PAX2: variants seen among roughly 807,000 people sequenced by gnomAD.
PAX2 encodes paired box 2, also known as paired box protein Pax-2.
PAX2 carries 9 observed loss-of-function variants against 41.7 expected under a neutral mutation model. That is an observed-to-expected ratio of 0.22 (90% confidence interval 0.13 to 0.38). The LOEUF (loss-of-function observed/expected upper bound fraction) is 0.38. PAX2 is among the 10% of genes least tolerant of loss of function. The probability of loss-of-function intolerance (pLI) is 1.00; values close to 1 mark genes in which losing one functional copy is unlikely to be tolerated. For synonymous variants in PAX2, 221 were observed against 212.7 expected (o/e 1.04, Z -0.34); for missense variants, 418 against 531.6 (o/e 0.79, Z 2.10).
At chr10:100,769,546 G>A (rs1846135721) in intron 3 of PAX2, among the ~76,000 whole-genome samples, 1 of 151,570 alleles carries the variant, frequency 6.6e-6, no homozygotes, top group African/African-American at 2.4e-5. Flanking sequence ...CAGTGAACCT[G>A]GGAGGCAGAG....
upstream of PAX2, among the ~76,000 whole-genome samples, chr10:100,744,811 C>T (rs995257540): frequency 1.3e-5 from 2 of 152,200 alleles, no homozygotes; most frequent in Non-Finnish European, 2.9e-5. Context: ...GTCTTCAGCT[C>T]GATTCTGAAC....
chr10:100,755,470 T>C (rs888228427), intron 3 of PAX2, among the ~76,000 whole-genome samples: 1 of 152,214 alleles, frequency 6.6e-6, no homozygotes, highest in Non-Finnish European at 1.5e-5. Flanking sequence ...AAATAAATAG[T>C]GTCCCAACTG....
Position 100,824,722 on chromosome 10 carries a change from A to T in PAX2, c.994A>T (p.Thr332Ser). 1.2e-6 allele frequency: 2 copies of T among 1,603,776 alleles called. No individual in the cohort carries two copies. Among genetic ancestry groups the T allele is most frequent in the Non-Finnish European group, 1.7e-6 (2 of 1,171,812 alleles). Residue 332 changes from threonine (T) to serine (S), a missense_variant, in exon 8 of 10, where the codon ACC becomes TCC. Transcript: ENST00000355243. This position sits in a 1 kb window ranked among gnomAD's most constrained non-coding sequence, Gnocchi z 6.6. ...VPPTGQGSYPTSTLAGMVPGS... is the reference protein window; with the variant it reads ...VPPTGQGSYPSSTLAGMVPGS... The stretch of plus-strand genomic sequence containing the variant: ...CCCCACTGGCCAGGGAAGCTACCCC[A>T]CCTCCACCCTGGCAGGAATGGTGCC...
rs536411475 is a variant in PAX2, at chr10:100,737,464, C to CCT, written c.25+1731_25+1732insCT. 3.4e-4 allele frequency among the ~76,000 whole-genome samples: 52 copies of CCT among 152,392 alleles called. No homozygotes were observed. In the South Asian group the frequency reaches 0.01, roughly 30 times the overall value. On this transcript the variant is annotated intron_variant, in intron 1 of 9. Coordinates refer to the PAX2 transcript ENST00000679374. Reference sequence around the variant, plus strand: ...GCCAGCGGCCCGACTCCGCACCGCACTTCCTTTCCCTTCCCTCTTTTCCCG... The same window carrying CCT: ...GCCAGCGGCCCGACTCCGCACCGCACCTTTCCTTTCCCTTCCCTCTTTTCCCG...
intron 1 of PAX2, chr10:100,749,459 C>T (rs1845349447): frequency 2.4e-6 from 3 of 1,271,606 alleles, no homozygotes; most frequent in African/African-American, 1.5e-5. Context: ...CCCCTCTCCC[C>T]TCTTTTCTGT....
intron 3 of PAX2, among the ~76,000 whole-genome samples, chr10:100,760,940 A>C (rs1448982851): frequency 6.6e-6 from 1 of 152,146 alleles, no homozygotes; most frequent in Non-Finnish European, 1.5e-5. Context: ...GCCGACTGTG[A>C]CTGTCTGGAG....
chr10:100,821,158 A>T (rs1167483258), intron 7 of PAX2, among the ~76,000 whole-genome samples: 1 of 152,238 alleles, frequency 6.6e-6, no homozygotes, highest in East Asian at 1.9e-4. Flanking sequence ...CAGTCTTAGT[A>T]ATTTGAAAAC....
At chr10:100,808,995 A>G (rs1219592346) in intron 6 of PAX2, 115 bp from the exon 7 acceptor site, 13 of 962,488 alleles carry the variant, frequency 1.4e-5, no homozygotes, top group Admixed American at 1.7e-5. Flanking sequence ...CTGCCCCACC[A>G]TCTCTTTCTA....
At chr10:100,823,340 G>A (rs1274047628) in intron 7 of PAX2, among the ~76,000 whole-genome samples, 1 of 152,210 alleles carries the variant, frequency 6.6e-6, no homozygotes, top group Non-Finnish European at 1.5e-5. Context: ...CTGTAGCTCT[G>A]TATAGCTAGG....
intron 6 of PAX2, among the ~76,000 whole-genome samples, chr10:100,808,296 A>T (rs1380965634): frequency 1.3e-5 from 2 of 152,064 alleles, no homozygotes; most frequent in East Asian, 3.9e-4. Flanking sequence ...ATTGGAAATG[A>T]CGAGGCAATC....
At chr10:100,789,925 C>T (rs1036174385) in intron 5 of PAX2, among the ~76,000 whole-genome samples, 5 of 152,096 alleles carry the variant, frequency 3.3e-5, no homozygotes, top group Non-Finnish European at 5.9e-5. Context: ...TTAGAAGGAC[C>T]TTTATCTTGG....
intron 7 of PAX2, among the ~76,000 whole-genome samples, chr10:100,817,541 G>T (rs945565459): frequency 3.9e-5 from 6 of 152,232 alleles, no homozygotes; most frequent in African/African-American, 1.2e-4. Context: ...CCGGTTGGCT[G>T]TCAAGGTGTA....
intron 3 of PAX2, among the ~76,000 whole-genome samples, chr10:100,768,963 G>A (rs1846115091): frequency 6.6e-6 from 1 of 152,320 alleles, no homozygotes; most frequent in South Asian, 2.1e-4. Flanking sequence ...CTTTCATACA[G>A]TGAATATGAA....
intron 3 of PAX2, among the ~76,000 whole-genome samples, chr10:100,762,443 T>C (rs1845872761): frequency 6.6e-6 from 1 of 152,142 alleles, no homozygotes; most frequent in Non-Finnish European, 1.5e-5. Context: ...CTCATAAGAA[T>C]AAACAAATGT....
Position 100,748,518 on chromosome 10 carries a change from G to A in PAX2, c.44-1228G>A. The A allele has an allele frequency of 1.0e-6, 1 of 985,382 alleles. No individual in the cohort carries two copies. The highest frequency in any genetic ancestry group is 1.2e-6 in the Non-Finnish European group (1 of 829,906). The allele number at this position is 985,382 out of a possible 1,614,324, so 61.0% of individuals were successfully genotyped here. Reference sequence around the variant, plus strand: ...TGAGGCTAGCGGGGCAGGGGCTGCAGCTTGCCAGTCCGGGCCGACCCGACT... The same window carrying A: ...TGAGGCTAGCGGGGCAGGGGCTGCAACTTGCCAGTCCGGGCCGACCCGACT... On this transcript the variant is annotated intron_variant, in intron 1 of 9. Coordinates refer to ENST00000355243, the MANE Select transcript of PAX2 (RefSeq NM_000278.5). The surrounding 1 kb of genome is among the most constrained non-coding windows in gnomAD (Gnocchi z 5.0).
intron 3 of PAX2, among the ~76,000 whole-genome samples, chr10:100,766,729 A>G (rs943283989): frequency 6.6e-6 from 1 of 152,252 alleles, no homozygotes; most frequent in South Asian, 2.1e-4. Context: ...GCAAATGACC[A>G]GGCCAGAGTA....
chr10:100,739,185 C>A lies in PAX2; in HGVS notation c.25+3452C>A, dbSNP rs542219794. Among the ~76,000 whole-genome samples the A allele has an allele frequency of 2.0e-5, 3 of 152,314 alleles. No individual in the cohort carries two copies. In the South Asian group the frequency reaches 6.2e-4, roughly 32 times the overall value. ...CGGAGGTGGCAGGAGTGGACAAACCCAGGCGGGTCCCACGACGCCCCTTTC... is the reference window on the plus strand; with the variant it reads ...CGGAGGTGGCAGGAGTGGACAAACCAAGGCGGGTCCCACGACGCCCCTTTC... On this transcript the variant is annotated intron_variant, in intron 1 of 9. Transcript: ENST00000679374.
chr10:100,782,144 G>A (rs1846658656), intron 5 of PAX2, among the ~76,000 whole-genome samples: 1 of 152,194 alleles, frequency 6.6e-6, no homozygotes, highest in South Asian at 2.1e-4. Flanking sequence ...GAACAACAGA[G>A]ACACCAGTGT....
intron 3 of PAX2, among the ~76,000 whole-genome samples, chr10:100,761,012 G>A (rs765128595): frequency 6.6e-6 from 1 of 152,162 alleles, no homozygotes; most frequent in African/African-American, 2.4e-5. Context: ...CTACCCATTT[G>A]CAATGGTCCT....
Sources: allele counts gnomAD v4.1 joint callset (sites outside exome capture counted in the v4.1 genomes callset), GRCh38; gene constraint gnomAD v4.1.1; non-coding constraint Gnocchi (gnomAD v3.1); transcripts MANE v1.5; gene names NCBI Gene and HGNC (gene_info 2026-07-23, HGNC 2026-07-21).